PTPRD: variants seen among roughly 807,000 people sequenced by gnomAD.
PTPRD encodes protein tyrosine phosphatase receptor type D.
Under a neutral mutation model 214.5 loss-of-function variants are expected in PTPRD, and 34 were observed. The observed-to-expected ratio is 0.16, with a 90% confidence interval of 0.12 to 0.21. The LOEUF (loss-of-function observed/expected upper bound fraction) is 0.21. PTPRD is among the 10% of genes least tolerant of loss of function. PTPRD has a pLI of 1.00. For synonymous variants in PTPRD, 1,128 were observed against 845.7 expected, an observed-to-expected ratio of 1.33 and a Z score of -5.79; for missense variants, 2,545 against 2,398.7, an observed-to-expected ratio of 1.06 and a Z score of -1.27.
At chr9:9,491,844 AAAG>A (rs1247291934) in intron 8 of PTPRD, among the ~76,000 whole-genome samples, 1 of 152,090 alleles carries the variant, frequency 6.6e-6, no homozygotes, top group Admixed American at 6.5e-5. Flanking sequence ...CTAATTAGAA[AAAG>A]AAGAACAAGC....
At chr9:9,808,031 G>C (rs902730468) in intron 5 of PTPRD, among the ~76,000 whole-genome samples, 3 of 152,114 alleles carry the variant, frequency 2.0e-5, no homozygotes, top group African/African-American at 7.2e-5. Context: ...TTCTAAATGA[G>C]AAAGGAGTGA....
At chr9:8,332,865 G>A (rs1842840559) in intron 43 of PTPRD, among the ~76,000 whole-genome samples, 1 of 152,088 alleles carries the variant, frequency 6.6e-6, no homozygotes, top group Admixed American at 6.6e-5. Flanking sequence ...TCATTAAAGA[G>A]CCTTCAACTT....
intron 8 of PTPRD, among the ~76,000 whole-genome samples, chr9:9,516,482 A>G (rs1383674363): frequency 1.3e-5 from 2 of 150,516 alleles, no homozygotes; most frequent in South Asian, 4.2e-4. Context: ...AAAACCATAA[A>G]CTTGTTTCAA....
Position 10,197,171 on chromosome 9 carries a change from G to T in PTPRD, c.-545+143792C>A, listed in dbSNP as rs145290556. Among the ~76,000 whole-genome samples the T allele has an allele frequency of 2.0e-4, 31 of 152,196 alleles. No individual in the cohort carries two copies. In the East Asian group the frequency reaches 6.0e-3, roughly 29 times the overall value. On this transcript the variant is annotated intron_variant, in intron 3 of 45. Coordinates refer to ENST00000381196, the MANE Select transcript of PTPRD (RefSeq NM_002839.4). Reference sequence around the variant, plus strand: ...TTTGAAGTTGAAAGACTGCCACTCTGCACCCCCACCCCACCACTCCCTTTT... The same window carrying T: ...TTTGAAGTTGAAAGACTGCCACTCTTCACCCCCACCCCACCACTCCCTTTT...
At chr9:10,246,368 C>G (rs1485207759) in intron 3 of PTPRD, among the ~76,000 whole-genome samples, 1 of 152,100 alleles carries the variant, frequency 6.6e-6, no homozygotes, top group Non-Finnish European at 1.5e-5. Context: ...CTCAGCCTCC[C>G]AAGTAGGTGG....
chr9:9,154,124 G>C (rs1158073610), intron 10 of PTPRD, among the ~76,000 whole-genome samples: 1 of 152,092 alleles, frequency 6.6e-6, no homozygotes, highest in Non-Finnish European at 1.5e-5. Context: ...GTATGATCCT[G>C]GGAGCTGCAA....
chr9:9,776,672 C>A (rs1439961029), intron 5 of PTPRD, among the ~76,000 whole-genome samples: 1 of 152,148 alleles, frequency 6.6e-6, no homozygotes, highest in Non-Finnish European at 1.5e-5. Flanking sequence ...ACCTAATCAG[C>A]CATTACATGT....
chr9:8,479,724 A>T (rs1018139391), intron 30 of PTPRD, among the ~76,000 whole-genome samples: 1 of 152,230 alleles, frequency 6.6e-6, no homozygotes, highest in African/African-American at 2.4e-5. Context: ...GGTCATTTTT[A>T]TATAAATAAA....
rs774278651 is a variant in PTPRD at position 8,404,677 on chromosome 9, A to G, written c.4087-17T>C. 6.3e-6 allele frequency: 10 copies of G among 1,593,722 alleles called. No homozygotes were observed. The stretch of plus-strand genomic sequence containing the variant: ...GTCAATTGACTTTAAAAGGAAAACA[A>G]CACATATACACAAAATCAATACTGA... On this transcript the variant is annotated splice_polypyrimidine_tract_variant and intron_variant, in intron 35 of 45. Transcript: ENST00000381196.
At chr9:10,028,851 G>T (rs1583910) in intron 4 of PTPRD, among the ~76,000 whole-genome samples, 7,987 of 152,250 alleles carry the variant, frequency 0.052, 712 homozygotes, top group African/African-American at 0.18. Flanking sequence ...TAAGTAATGA[G>T]GATTCAAATT....
In PTPRD at chr9:9,158,765, T is replaced by C. The variant is rs190538593; in HGVS notation, c.-143+24539A>G. On this transcript the variant is annotated intron_variant, in intron 10 of 45. Coordinates refer to ENST00000381196, the MANE Select transcript of PTPRD (RefSeq NM_002839.4). ...GAAAAAGATACTACAAAAGAAAAAA[T>C]TACAGGCTAATATTGCAGATGAATA... Among the ~76,000 whole-genome samples the C allele has an allele frequency of 3.1e-3, 469 of 152,020 alleles. 5 individuals are homozygous for C. The highest frequency in any genetic ancestry group is 6.7e-3 in the Admixed American group (102 of 15,258).
intron 35 of PTPRD, among the ~76,000 whole-genome samples, chr9:8,418,218 CCTTTT>C (rs2131410698): frequency 6.7e-6 from 1 of 148,464 alleles, no homozygotes; most frequent in East Asian, 2.0e-4. Flanking sequence ...ACTTTCTTAT[CCTTTT>C]CTTTTTTTTT....
chr9:9,330,968 G>T (rs907689566), intron 9 of PTPRD, among the ~76,000 whole-genome samples: 1 of 151,442 alleles, frequency 6.6e-6, no homozygotes, highest in Non-Finnish European at 1.5e-5. Flanking sequence ...TATACTAGGA[G>T]CTAAATAAAT....
intron 3 of PTPRD, among the ~76,000 whole-genome samples, chr9:10,139,784 T>C (rs1048498536): frequency 3.3e-5 from 5 of 151,976 alleles, no homozygotes; most frequent in African/African-American, 9.7e-5. Context: ...AAATAAGGAA[T>C]GGGGCAAAGA....
chr9:10,323,747 A>T (rs1338410130), intron 3 of PTPRD, among the ~76,000 whole-genome samples: 1 of 152,014 alleles, frequency 6.6e-6, no homozygotes, highest in Non-Finnish European at 1.5e-5. Context: ...CGATTTATGC[A>T]TACTTTCCTG....
intron 4 of PTPRD, among the ~76,000 whole-genome samples, chr9:9,982,475 GGTGTGTGTGTGT>G (rs201055413): frequency 2.8e-4 from 13 of 46,808 alleles, no homozygotes; most frequent in South Asian, 6.7e-4. Flanking sequence ...TGGTGGTGGT[GGTGTGTGTGTGT>G]GTGTGTGTGT....
chr9:8,452,049 G>A (rs1476353213), intron 33 of PTPRD, among the ~76,000 whole-genome samples: 2 of 152,196 alleles, frequency 1.3e-5, no homozygotes, highest in East Asian at 1.9e-4. Flanking sequence ...TTGCAAAGAT[G>A]TGAGTCTCAG....
intron 2 of PTPRD, among the ~76,000 whole-genome samples, chr9:10,356,114 T>A (rs1451988544): frequency 1.3e-5 from 2 of 149,870 alleles, no homozygotes; most frequent in Admixed American, 1.3e-4. Flanking sequence ...AAAATTGCCT[T>A]TTTTTTTTTT....
chr9:9,405,575 A>G (rs2072965005), intron 8 of PTPRD, among the ~76,000 whole-genome samples: 1 of 152,074 alleles, frequency 6.6e-6, no homozygotes, highest in African/African-American at 2.4e-5. Context: ...GTTTCAATTA[A>G]TAAAATTGTA....
Sources: allele counts gnomAD v4.1 joint callset (sites outside exome capture counted in the v4.1 genomes callset), GRCh38; gene constraint gnomAD v4.1.1; transcripts MANE v1.5; gene names NCBI Gene and HGNC (gene_info 2026-07-23, HGNC 2026-07-21).